ROBO2: variants seen among roughly 807,000 people sequenced by gnomAD.
The protein encoded by ROBO2 is roundabout guidance receptor 2.
ROBO2 carries 53 observed loss-of-function variants against 160.8 expected under a neutral mutation model. The ratio of observed to expected loss-of-function variants is 0.33; its 90% confidence interval spans 0.26 to 0.41. The LOEUF (loss-of-function observed/expected upper bound fraction) is 0.41, where lower values mean the gene tolerates loss of function less well. Among genes scored for constraint, ROBO2 ranks in the 10% least tolerant of loss-of-function variants. The pLI, the probability that ROBO2 is intolerant of heterozygous loss-of-function variation, is 1.00. For synonymous variants in ROBO2, 664 were observed against 611.7 expected (o/e 1.09, Z -1.26); for missense variants, 1,577 against 1,722.4 (o/e 0.92, Z 1.49).
chr3:76,689,398 G>A (rs554409877), intron 2 of ROBO2, among the ~76,000 whole-genome samples: 1 of 151,882 alleles, frequency 6.6e-6, no homozygotes, highest in African/African-American at 2.4e-5. Context: ...TTAAAATATG[G>A]CTCAGACTTC....
chr3:76,833,790 C>G (rs2067290123), intron 2 of ROBO2, among the ~76,000 whole-genome samples: 1 of 152,176 alleles, frequency 6.6e-6, no homozygotes, highest in Non-Finnish European at 1.5e-5. Flanking sequence ...GGGACACAGT[C>G]ATTCTCAAGT....
At chr3:77,490,903 G>A (rs1048737054) in intron 4 of ROBO2, among the ~76,000 whole-genome samples, 1 of 152,150 alleles carries the variant, frequency 6.6e-6, no homozygotes, top group Admixed American at 6.5e-5. Flanking sequence ...TTACAAGAAC[G>A]CTTTGACCTA....
At chr3:76,961,378 AG>A (rs2079652783) in intron 2 of ROBO2, among the ~76,000 whole-genome samples, 2 of 151,036 alleles carry the variant, frequency 1.3e-5, no homozygotes, top group South Asian at 2.1e-4. Context: ...TTTTTCAGAG[AG>A]GGTTCACAGA....
chr3:76,204,725 C>T (rs1702716676), intron 2 of ROBO2, among the ~76,000 whole-genome samples: 1 of 152,094 alleles, frequency 6.6e-6, no homozygotes, highest in Non-Finnish European at 1.5e-5. Context: ...CATTTTGTCT[C>T]CTATTGGCTA....
At chr3:76,365,195 A>T (rs2075744725) in intron 2 of ROBO2, among the ~76,000 whole-genome samples, 1 of 152,066 alleles carries the variant, frequency 6.6e-6, no homozygotes, top group South Asian at 2.1e-4. Flanking sequence ...ACTCCAAAGT[A>T]AATGTGTCTT....
At chr3:77,372,665 G>A (rs1044495467) in intron 2 of ROBO2, among the ~76,000 whole-genome samples, 2 of 152,032 alleles carry the variant, frequency 1.3e-5, no homozygotes, top group Non-Finnish European at 2.9e-5. Context: ...TATCTGTGTT[G>A]AATGGAAGTA....
chr3:75,969,329 G>C (rs550219429), intron 2 of ROBO2, among the ~76,000 whole-genome samples: 4 of 151,328 alleles, frequency 2.6e-5, no homozygotes, highest in African/African-American at 9.7e-5. Flanking sequence ...TATATACCCA[G>C]CAGGGGGATT....
At chr3:76,164,874 G>A (rs1425120410) in intron 2 of ROBO2, among the ~76,000 whole-genome samples, 1 of 151,894 alleles carries the variant, frequency 6.6e-6, no homozygotes, top group East Asian at 1.9e-4. Flanking sequence ...CTGCCCCGCA[G>A]GACACTGGAA....
intron 2 of ROBO2, among the ~76,000 whole-genome samples, chr3:76,044,068 G>A (rs1482526233): frequency 6.6e-6 from 1 of 152,050 alleles, no homozygotes; most frequent in Non-Finnish European, 1.5e-5. Context: ...GTAAGTACCT[G>A]TAAAGTTGGG....
chr3:77,395,021 A>G (rs780629418), intron 2 of ROBO2, among the ~76,000 whole-genome samples: 3 of 152,170 alleles, frequency 2.0e-5, no homozygotes, highest in Non-Finnish European at 4.4e-5. Context: ...GACTCAAACT[A>G]TGAAGGAAAT....
chr3:76,048,257 T>G (rs547995127), intron 2 of ROBO2, among the ~76,000 whole-genome samples: 1 of 152,202 alleles, frequency 6.6e-6, no homozygotes, highest in African/African-American at 2.4e-5. Context: ...CACAGTGGGG[T>G]TTGGCAAAGC....
At chr3:76,635,880 G>A (rs1357507959) in intron 2 of ROBO2, among the ~76,000 whole-genome samples, 2 of 152,172 alleles carry the variant, frequency 1.3e-5, no homozygotes, top group Non-Finnish European at 2.9e-5. Context: ...AGCAGAGGAG[G>A]CAAGGCCCTG....
intron 2 of ROBO2, among the ~76,000 whole-genome samples, chr3:76,597,987 T>G (rs1406794866): frequency 6.6e-6 from 1 of 152,142 alleles, no homozygotes; most frequent in Non-Finnish European, 1.5e-5. Flanking sequence ...TTTACAGCTT[T>G]TTTCATAATA....
chr3:77,641,839 T>G (rs2153723008), intron 24 of ROBO2, among the ~76,000 whole-genome samples: 1 of 152,240 alleles, frequency 6.6e-6, no homozygotes, highest in Non-Finnish European at 1.5e-5. Context: ...TCTGAAGAGT[T>G]AATAAAAGAG....
chr3:77,028,607 C>A (rs957545000), intron 2 of ROBO2, among the ~76,000 whole-genome samples: 1 of 152,076 alleles, frequency 6.6e-6, no homozygotes, highest in Non-Finnish European at 1.5e-5. Flanking sequence ...GTAATCCCAG[C>A]TTCTCGGGAG....
intron 2 of ROBO2, among the ~76,000 whole-genome samples, chr3:77,180,098 C>T (rs533114655): frequency 1.3e-5 from 2 of 151,718 alleles, no homozygotes; most frequent in Admixed American, 1.3e-4. Context: ...CATTCTTCCC[C>T]CATGTTTAGT....
chr3:76,268,266 G>A lies in ROBO2; in HGVS notation c.109+330664G>A, dbSNP rs570411826. On this transcript the variant is annotated intron_variant, in intron 2 of 26. Transcript: ENST00000487694. ...TCCTGGGCAGCAGAGCAAAGAAAGC[G>A]AAGGGGAGGGGAGGGGAGGGGAGGA... is the stretch of plus-strand genomic sequence containing the variant. 3.2e-4 allele frequency among the ~76,000 whole-genome samples: 49 copies of A among 151,672 alleles called. 1 individual carries two copies. In the South Asian group the frequency reaches 8.6e-3, roughly 27 times the overall value.
intron 2 of ROBO2, among the ~76,000 whole-genome samples, chr3:76,376,142 A>G (rs888237069): frequency 6.6e-6 from 1 of 151,906 alleles, no homozygotes; most frequent in African/African-American, 2.4e-5. Context: ...AATTCTTCCT[A>G]TTCTTGGTCT....
chr3:77,528,293 A>C (rs1281504797), intron 6 of ROBO2, among the ~76,000 whole-genome samples: 1 of 151,650 alleles, frequency 6.6e-6, no homozygotes. Flanking sequence ...TTAATATAAC[A>C]AAAAGGTACT....
Sources: allele counts gnomAD v4.1 joint callset (sites outside exome capture counted in the v4.1 genomes callset), GRCh38; gene constraint gnomAD v4.1.1; transcripts MANE v1.5; gene names NCBI Gene and HGNC (gene_info 2026-07-23, HGNC 2026-07-21).